Variants in ZNF385D observed in about 807,000 individuals in gnomAD.
ZNF385D encodes zinc finger protein 659.
In ZNF385D, 15 loss-of-function variants were observed where a neutral mutation model predicts 35.8. The ratio of observed to expected loss-of-function variants is 0.42; its 90% CI spans 0.28 to 0.64. The LOEUF (loss-of-function observed/expected upper bound fraction) is 0.64, where lower values mean the gene tolerates loss of function less well. ZNF385D is among the 30% of genes least tolerant of loss of function. The probability of loss-of-function intolerance (pLI) is 0.23; values close to 1 mark genes in which losing one functional copy is unlikely to be tolerated. For synonymous variants in ZNF385D, 212 were observed against 186.8 expected (o/e 1.13, Z -1.10); for missense variants, 474 against 494.6 (o/e 0.96, Z 0.39).
chr3:22,355,008 T>G (rs987520754), intron 2 of ZNF385D, among the ~76,000 whole-genome samples: 1 of 152,082 alleles, frequency 6.6e-6, no homozygotes, highest in African/African-American at 2.4e-5. Context: ...CCCTTTATTA[T>G]ACAAATTTAA....
intron 3 of ZNF385D, among the ~76,000 whole-genome samples, chr3:21,995,783 G>A (rs759358270): frequency 6.6e-6 from 1 of 152,120 alleles, no homozygotes. Flanking sequence ...CAGGGGCAAG[G>A]AGCCCCTACT....
At chr3:22,178,438 T>C (rs1163545379) in intron 2 of ZNF385D, among the ~76,000 whole-genome samples, 9 of 152,234 alleles carry the variant, frequency 5.9e-5, no homozygotes, top group South Asian at 2.1e-4. Context: ...GGTTGTTTTT[T>C]TCTTGTAAAT....
chr3:21,564,982 A>G (rs1220206464), intron 2 of ZNF385D, among the ~76,000 whole-genome samples: 1 of 152,218 alleles, frequency 6.6e-6, no homozygotes, highest in Non-Finnish European at 1.5e-5. Context: ...ATATAATTAA[A>G]GATTTATCAA....
intron 2 of ZNF385D, among the ~76,000 whole-genome samples, chr3:22,336,052 T>C (rs1702877429): frequency 6.8e-6 from 1 of 147,838 alleles, no homozygotes; most frequent in South Asian, 2.1e-4. Flanking sequence ...TGATACAGAT[T>C]AAATATACTA....
chr3:21,610,493 G>A lies in ZNF385D; in HGVS notation c.166-45809C>T, dbSNP rs181622056. Among the ~76,000 whole-genome samples, 235 of 152,198 alleles carry A rather than the reference G, an allele frequency of 1.5e-3. 1 individual carries two copies. Among genetic ancestry groups the A allele is most frequent in the African/African-American group, 5.4e-3 (226 of 41,536 alleles). ...TTAAAACAATAGACATGTGTTGGCCGGGCGCGGTGGCTCACGCCTGTAATC... is the reference window on the plus strand; with the variant it reads ...TTAAAACAATAGACATGTGTTGGCCAGGCGCGGTGGCTCACGCCTGTAATC... On this transcript the variant is annotated intron_variant, in intron 2 of 7. Transcript: ENST00000281523.
intron 3 of ZNF385D, among the ~76,000 whole-genome samples, chr3:21,998,804 A>G (rs1005868268): frequency 1.2e-4 from 19 of 152,212 alleles, no homozygotes; most frequent in African/African-American, 4.3e-4. Context: ...GCATAGGCTT[A>G]AATAGACTGT....
intron 2 of ZNF385D, among the ~76,000 whole-genome samples, chr3:22,191,627 T>G (rs1438073676): frequency 6.6e-6 from 1 of 152,192 alleles, no homozygotes; most frequent in African/African-American, 2.4e-5. Context: ...ACTAAAGATC[T>G]ATTGTCTTTA....
At chr3:22,253,620 G>C (rs1370855928) in intron 2 of ZNF385D, among the ~76,000 whole-genome samples, 1 of 151,856 alleles carries the variant, frequency 6.6e-6, no homozygotes. Flanking sequence ...CCCTGGCATT[G>C]ATTTTTTTCA....
At chr3:21,712,408 G>A (rs1357143787) in intron 1 of ZNF385D, among the ~76,000 whole-genome samples, 1 of 152,028 alleles carries the variant, frequency 6.6e-6, no homozygotes, top group Non-Finnish European at 1.5e-5. Flanking sequence ...TGAACTCACG[G>A]TCTCTTCTCT....
intron 3 of ZNF385D, among the ~76,000 whole-genome samples, chr3:22,105,624 C>G (rs1168408955): frequency 6.6e-6 from 1 of 151,654 alleles, no homozygotes; most frequent in African/African-American, 2.4e-5. Flanking sequence ...GACTGAGAAC[C>G]AGGACCACCA....
intron 2 of ZNF385D, among the ~76,000 whole-genome samples, chr3:22,177,604 T>C (rs1467812711): frequency 6.6e-6 from 1 of 152,158 alleles, no homozygotes; most frequent in Non-Finnish European, 1.5e-5. Context: ...TATTATACTT[T>C]TAAGTTTCAG....
intron 2 of ZNF385D, among the ~76,000 whole-genome samples, chr3:22,298,036 G>A (rs1320381354): frequency 2.0e-5 from 3 of 151,966 alleles, no homozygotes; most frequent in Admixed American, 6.6e-5. Context: ...ATGATGAAGG[G>A]TAGAGGGAAG....
chr3:21,435,286 G>A (rs1431158360), intron 5 of ZNF385D, among the ~76,000 whole-genome samples: 1 of 135,208 alleles, frequency 7.4e-6, no homozygotes, highest in Non-Finnish European at 1.5e-5. Context: ...TTGAGACAGG[G>A]TCTCACTGTC....
chr3:22,320,000 A>C (rs1694331168), intron 2 of ZNF385D, among the ~76,000 whole-genome samples: 2 of 151,992 alleles, frequency 1.3e-5, no homozygotes, highest in South Asian at 4.2e-4. Context: ...GACAAGAGTG[A>C]CCCCTGCCTT....
At chr3:21,526,897 C>A (rs546465925) in intron 3 of ZNF385D, among the ~76,000 whole-genome samples, 1 of 152,162 alleles carries the variant, frequency 6.6e-6, no homozygotes, top group Non-Finnish European at 1.5e-5. Flanking sequence ...TTTAGTACTA[C>A]TAATAGGTAT....
chr3:22,085,550 C>A (rs1174929992), intron 3 of ZNF385D, among the ~76,000 whole-genome samples: 1 of 152,140 alleles, frequency 6.6e-6, no homozygotes, highest in African/African-American at 2.4e-5. Context: ...CCTGAATAGA[C>A]CAATAACAGG....
intron 4 of ZNF385D, among the ~76,000 whole-genome samples, chr3:21,474,226 A>G (rs1482357984): frequency 2.0e-5 from 3 of 152,014 alleles, no homozygotes; most frequent in Non-Finnish European, 2.9e-5. Flanking sequence ...AGGGAAACCT[A>G]AAGGAATGTC....
At chr3:22,106,781 C>A (rs143154787) in intron 3 of ZNF385D, among the ~76,000 whole-genome samples, 184 of 152,258 alleles carry the variant, frequency 1.2e-3, no homozygotes, top group African/African-American at 4.1e-3. Context: ...GATCTTCTAC[C>A]TAATGCGGAG....
At chr3:22,255,251 C>G (rs1483155441) in intron 2 of ZNF385D, among the ~76,000 whole-genome samples, 2 of 145,074 alleles carry the variant, frequency 1.4e-5, no homozygotes, top group South Asian at 2.1e-4. Flanking sequence ...CATGTTGACA[C>G]TGATTTTGTT....
Sources: allele counts gnomAD v4.1 joint callset (sites outside exome capture counted in the v4.1 genomes callset), GRCh38; gene constraint gnomAD v4.1.1; transcripts MANE v1.5; gene names NCBI Gene and HGNC (gene_info 2026-07-23, HGNC 2026-07-21).